The following GPR39 variants were observed in gnomAD, a reference collection of about 807,000 sequenced individuals.
The protein encoded by GPR39 is zinc sensing receptor.
Under a neutral mutation model 18.4 loss-of-function variants are expected in GPR39, and 23 were observed. That is an observed-to-expected ratio of 1.25 (90% CI 0.90 to 1.77). The LOEUF (loss-of-function observed/expected upper bound fraction) is 1.77. GPR39 is among the 40% of genes most tolerant of loss of function. GPR39 has a pLI of 0.00. For missense variants in GPR39, 647 were observed against 602.4 expected (o/e 1.07, Z -0.78); for synonymous variants, 280 against 257.9 (o/e 1.09, Z -0.82).
chr2:132,550,503 G>C (rs1416456525), intron 1 of GPR39, among the ~76,000 whole-genome samples: 1 of 152,216 alleles, frequency 6.6e-6, no homozygotes, highest in Non-Finnish European at 1.5e-5. Flanking sequence ...GCACATTTAT[G>C]AGCAAAGGCA....
chr2:132,492,271 TACCATATATATAC>T (rs1330271697), intron 1 of GPR39, among the ~76,000 whole-genome samples: 3 of 139,156 alleles, frequency 2.2e-5, no homozygotes, highest in Non-Finnish European at 4.6e-5. Flanking sequence ...TATATATACA[TACCATATATATAC>T]ACCATATATA....
intron 1 of GPR39, among the ~76,000 whole-genome samples, chr2:132,478,496 G>C (rs1302628595): frequency 6.6e-6 from 1 of 152,132 alleles, no homozygotes; most frequent in Non-Finnish European, 1.5e-5. Flanking sequence ...TATAACCATT[G>C]GTTGGCCCCA....
chr2:132,559,835 T>A (rs1326496704), intron 1 of GPR39, among the ~76,000 whole-genome samples: 3 of 152,118 alleles, frequency 2.0e-5, no homozygotes, highest in Admixed American at 6.5e-5. Flanking sequence ...GAGTTCTGAA[T>A]GAGACTTGAG....
chr2:132,567,271 G>A (rs961743249), intron 1 of GPR39, among the ~76,000 whole-genome samples: 2 of 152,274 alleles, frequency 1.3e-5, no homozygotes, highest in East Asian at 1.9e-4. Context: ...GCGGTGAGCC[G>A]AGATTGCACC....
intron 1 of GPR39, among the ~76,000 whole-genome samples, chr2:132,545,773 G>C (rs1679937838): frequency 6.6e-6 from 1 of 152,110 alleles, no homozygotes. Context: ...AATCAGATCA[G>C]TCAGTCTGGG....
At chr2:132,515,699 T>C (rs116569577) in intron 1 of GPR39, among the ~76,000 whole-genome samples, 4,149 of 152,254 alleles carry the variant, frequency 0.027, 148 homozygotes, top group African/African-American at 0.088. Context: ...AACCTAAGAA[T>C]GTCACTCTCT....
intron 1 of GPR39, among the ~76,000 whole-genome samples, chr2:132,478,450 T>A (rs1353666446): frequency 6.6e-6 from 1 of 152,202 alleles, no homozygotes; most frequent in Non-Finnish European, 1.5e-5. Flanking sequence ...CACAAGTAAT[T>A]TAAAATCTAC....
intron 1 of GPR39, among the ~76,000 whole-genome samples, chr2:132,432,358 A>G (rs149878660): frequency 0.016 from 2,402 of 152,298 alleles, 26 homozygotes; most frequent in Middle Eastern, 0.037. Context: ...TACTATCATG[A>G]TGCAATCACT....
Position 132,599,175 on chromosome 2 carries a change from G to T in GPR39, c.857-45926G>T, listed in dbSNP as rs556483953. 2.0e-3 allele frequency among the ~76,000 whole-genome samples: 297 copies of T among 152,296 alleles called. 2 individuals are homozygous for T. Among genetic ancestry groups the T allele is most frequent in the Middle Eastern group, 3.4e-3 (1 of 294 alleles). ...CCTGCTGGGCAGATAATCCAGGCAC[G>T]AGAGGATTATATTTTTAACAACTTT... On this transcript the variant is annotated intron_variant, in intron 1 of 1. Transcript: ENST00000329321.
chr2:132,481,383 C>G (rs993797608), intron 1 of GPR39, among the ~76,000 whole-genome samples: 2 of 152,142 alleles, frequency 1.3e-5, no homozygotes, highest in African/African-American at 4.8e-5. Context: ...TTCACCTTGG[C>G]ATGGATTGGT....
intron 1 of GPR39, among the ~76,000 whole-genome samples, chr2:132,609,157 C>T (rs966014398): frequency 1.2e-4 from 18 of 152,122 alleles, no homozygotes; most frequent in African/African-American, 4.3e-4. Flanking sequence ...CGGCCATGGG[C>T]CCCTAAGAGA....
intron 1 of GPR39, among the ~76,000 whole-genome samples, chr2:132,474,425 C>T (rs1432720217): frequency 1.3e-5 from 2 of 152,128 alleles, no homozygotes; most frequent in African/African-American, 4.8e-5. Context: ...GACTGTAGGA[C>T]GTGGCTAATA....
intron 1 of GPR39, among the ~76,000 whole-genome samples, chr2:132,453,002 G>A (rs911309026): frequency 4.6e-5 from 7 of 152,134 alleles, no homozygotes; most frequent in Non-Finnish European, 2.9e-5. Context: ...ACCCAGTAAT[G>A]GGATTGCTGG....
In GPR39 at chr2:132,492,735, AT is replaced by A. The variant is rs1681512572; in HGVS notation, c.856+74838del. On this transcript the variant is annotated intron_variant, in intron 1 of 1. Coordinates refer to ENST00000329321, the MANE Select transcript of GPR39 (RefSeq NM_001508.3). ...TACACACCATATATATACCATATAT[AT>A]ATACACACCATGTATATACCATATA... Among the ~76,000 whole-genome samples, 3 of 143,892 alleles carry A rather than the reference AT, an allele frequency of 2.1e-5. No homozygotes were observed. The South Asian group carries it at 6.8e-4, about 32-fold the overall frequency. 94.4% of individuals were successfully genotyped at this position (143,892 alleles called of 152,430 possible).
chr2:132,443,332 G>A (rs538461678), intron 1 of GPR39, among the ~76,000 whole-genome samples: 3 of 146,078 alleles, frequency 2.1e-5, no homozygotes, highest in Non-Finnish European at 3.1e-5. Flanking sequence ...CCTGACTTAC[G>A]ATGGAGTGAC....
At chr2:132,561,577 T>TACACACAC (rs55653432) in intron 1 of GPR39, among the ~76,000 whole-genome samples, 143 of 147,986 alleles carry the variant, frequency 9.7e-4, no homozygotes, top group African/African-American at 2.5e-3. Flanking sequence ...AATATGAGTG[T>TACACACAC]ACACACACAC....
At chr2:132,519,310 T>TA (rs1558824263) in intron 1 of GPR39, among the ~76,000 whole-genome samples, 3 of 152,182 alleles carry the variant, frequency 2.0e-5, no homozygotes, top group South Asian at 2.1e-4. Context: ...TTTGTTGACA[T>TA]AAAAAATGCA....
At chr2:132,617,059 T>C (rs1277360862) in intron 1 of GPR39, among the ~76,000 whole-genome samples, 1 of 152,210 alleles carries the variant, frequency 6.6e-6, no homozygotes, top group African/African-American at 2.4e-5. Context: ...CTTTCTCTAT[T>C]TAATAGTGCA....
chr2:132,455,140 T>G (rs1240088502), intron 1 of GPR39, among the ~76,000 whole-genome samples: 30 of 152,226 alleles, frequency 2.0e-4, no homozygotes, highest in Admixed American at 1.9e-3. Context: ...AGGCTATTAA[T>G]TATTGCCTCA....
Sources: allele counts gnomAD v4.1 joint callset (sites outside exome capture counted in the v4.1 genomes callset), GRCh38; gene constraint gnomAD v4.1.1; transcripts MANE v1.5; gene names NCBI Gene and HGNC (gene_info 2026-07-23, HGNC 2026-07-21).